Variants in BRD10 observed in about 807,000 individuals in gnomAD.
BRD10 encodes the protein uncharacterized bromodomain-containing protein 10.
At chr9:5,988,453 C>G in the BRD10 span, 1 of 1,613,904 alleles carries the variant, frequency 6.2e-7, no homozygotes. Context: ...TGTTGACCGA[C>G]GCCTTGTTGA....
At chr9:5,920,847 G>C in the BRD10 span, 1 of 1,613,934 alleles carries the variant, frequency 6.2e-7, no homozygotes, top group Non-Finnish European at 8.5e-7. Context: ...GATGCAAGGT[G>C]TCCTGTTTTC....
the BRD10 span, among the ~76,000 whole-genome samples, chr9:5,897,309 C>T: frequency 2.0e-5 from 3 of 152,188 alleles, no homozygotes; most frequent in Non-Finnish European, 4.4e-5. Flanking sequence ...AACTTGGGTG[C>T]CTGGGCCATG....
At chr9:5,918,815 C>CAAAA in the BRD10 span, among the ~76,000 whole-genome samples, 8 of 104,880 alleles carry the variant, frequency 7.6e-5, no homozygotes, top group Admixed American at 2.9e-4. Context: ...ACAGGTGAGT[C>CAAAA]AAAAAAAAAA....
the BRD10 span, among the ~76,000 whole-genome samples, chr9:5,946,355 T>C: frequency 6.6e-6 from 1 of 152,168 alleles, no homozygotes; most frequent in Non-Finnish European, 1.5e-5. Flanking sequence ...TACAATGATG[T>C]AGTGGGACAG....
chr9:5,879,944 G>C, the BRD10 span, among the ~76,000 whole-genome samples: 1 of 152,178 alleles, frequency 6.6e-6, no homozygotes, highest in South Asian at 2.1e-4. Flanking sequence ...TTCTGAGACA[G>C]AATCTCGCTC....
the BRD10 span, among the ~76,000 whole-genome samples, chr9:5,992,453 A>G: frequency 6.6e-6 from 1 of 152,208 alleles, no homozygotes; most frequent in Non-Finnish European, 1.5e-5. Context: ...AAATAAGATA[A>G]AAAAATAAAT....
chr9:5,920,608 T>G, the BRD10 span: 2 of 1,613,994 alleles, frequency 1.2e-6, no homozygotes, highest in Non-Finnish European at 1.7e-6. Context: ...TTGTTGGCAC[T>G]GTAGTTGAAA....
chr9:5,997,701 C>T, the BRD10 span, among the ~76,000 whole-genome samples: 1 of 152,116 alleles, frequency 6.6e-6, no homozygotes, highest in Admixed American at 6.5e-5. Flanking sequence ...AAAAATTAAG[C>T]TGGATTTCAA....
chr9:6,007,352 A>T, the BRD10 span: 1 of 1,613,462 alleles, frequency 6.2e-7, no homozygotes, highest in East Asian at 2.2e-5. Flanking sequence ...CCGCTGGCGA[A>T]CTTCTCTTCC....
the BRD10 span, among the ~76,000 whole-genome samples, chr9:6,001,019 A>G: frequency 6.6e-6 from 1 of 152,126 alleles, no homozygotes. Flanking sequence ...TCAGCTGGGT[A>G]TCTTCAAATG....
At chr9:5,984,963 GA>G in the BRD10 span, among the ~76,000 whole-genome samples, 5 of 145,050 alleles carry the variant, frequency 3.4e-5, no homozygotes, top group East Asian at 6.0e-4. Context: ...AAACGAATTT[GA>G]AAAAAAAAAC....
At chr9:5,955,979 A>G in the BRD10 span, among the ~76,000 whole-genome samples, 10 of 152,098 alleles carry the variant, frequency 6.6e-5, no homozygotes, top group African/African-American at 2.4e-4. Context: ...TCCTCTATAC[A>G]CTGCCTTTAC....
chr9:5,928,250 C>G, the BRD10 span, among the ~76,000 whole-genome samples: 1 of 152,170 alleles, frequency 6.6e-6, no homozygotes, highest in East Asian at 1.9e-4. Context: ...TTGGTATCTG[C>G]ACTGCTACTA....
the BRD10 span, chr9:5,919,608 A>G: frequency 2.5e-6 from 3 of 1,222,390 alleles, no homozygotes; most frequent in African/African-American, 1.6e-5. Context: ...TTTCAACAGT[A>G]TAATAAACAT....
chr9:5,892,437 C>T, the BRD10 span: 1 of 1,588,276 alleles, frequency 6.3e-7, no homozygotes. Context: ...TGCCCACATG[C>T]TCCTTCTGTT....
chr9:5,943,386 C>T, the BRD10 span, among the ~76,000 whole-genome samples: 4 of 151,990 alleles, frequency 2.6e-5, no homozygotes, highest in Non-Finnish European at 4.4e-5. Context: ...TTAACTGTAG[C>T]ATAAAAAATT....
At chr9:5,914,749 T>C in the BRD10 span, among the ~76,000 whole-genome samples, 1 of 152,106 alleles carries the variant, frequency 6.6e-6, no homozygotes, top group African/African-American at 2.4e-5. Flanking sequence ...AATAAAATTC[T>C]TGACTATTTT....
the BRD10 span, chr9:5,908,876 C>T: frequency 1.0e-5 from 6 of 596,988 alleles, no homozygotes; most frequent in African/African-American, 1.9e-5. Context: ...CAGTACTAAT[C>T]ATGTGAGGAA....
At chr9:5,962,193 C>G in the BRD10 span, among the ~76,000 whole-genome samples, 1 of 151,540 alleles carries the variant, frequency 6.6e-6, no homozygotes, top group African/African-American at 2.4e-5. Flanking sequence ...AGAGAAGAAT[C>G]AAATAGACAC....
Sources: gnomAD v4.1 joint callset for allele counts (sites outside exome capture counted in the v4.1 genomes callset) on GRCh38, gnomAD v4.1.1 for gene constraint, MANE v1.5 for transcripts, NCBI Gene and HGNC (gene_info 2026-07-23, HGNC 2026-07-21) for gene names.